Variants in TP53BP2 observed in about 807,000 individuals in gnomAD.
The protein encoded by TP53BP2 is tumor protein p53 binding protein 2, also known as apoptosis-stimulating of p53 protein 2.
Under a neutral mutation model 126.2 loss-of-function variants are expected in TP53BP2, and 62 were observed. The ratio of observed to expected loss-of-function variants is 0.49; its 90% CI spans 0.40 to 0.61. TP53BP2 has a LOEUF of 0.61. Among genes scored for constraint, TP53BP2 ranks in the 20% least tolerant of loss-of-function variants. TP53BP2 has a pLI of 0.00. For missense variants in TP53BP2, 1,215 were observed against 1,402.8 expected, an observed-to-expected ratio of 0.87 and a Z score of 2.14; for synonymous variants, 485 against 502.9, an observed-to-expected ratio of 0.96 and a Z score of 0.48.
At chr1:223,818,577 A>AT (rs565244490) in intron 2 of TP53BP2, among the ~76,000 whole-genome samples, 4,588 of 146,098 alleles carry the variant, frequency 0.031, 216 homozygotes, top group African/African-American at 0.1. Context: ...TTAAAAAAAA[A>AT]TTTTTTTTTT....
intron 1 of TP53BP2, 106 bp from the exon 2 acceptor site, chr1:223,821,473 T>A: frequency 6.9e-7 from 1 of 1,458,714 alleles, no homozygotes; most frequent in Non-Finnish European, 9.6e-7. Context: ...AGTGCAAACG[T>A]ACAACAGAAC....
intron 11 of TP53BP2, among the ~76,000 whole-genome samples, chr1:223,798,926 G>C (rs1264483388): frequency 6.6e-6 from 1 of 152,032 alleles, no homozygotes; most frequent in Non-Finnish European, 1.5e-5. Context: ...ACAAAAATCA[G>C]CCAGGCATGG....
intron 2 of TP53BP2, among the ~76,000 whole-genome samples, chr1:223,818,021 C>T (rs891374695): frequency 1.3e-5 from 2 of 150,782 alleles, no homozygotes; most frequent in African/African-American, 4.9e-5. Flanking sequence ...AACTGGAGAA[C>T]ACTGATATGT....
intron 16 of TP53BP2, among the ~76,000 whole-genome samples, chr1:223,788,716 A>G (rs945278507): frequency 2.8e-4 from 43 of 152,184 alleles, no homozygotes; most frequent in African/African-American, 9.2e-4. Flanking sequence ...CCATCAATCT[A>G]TAAGTACTAA....
At chr1:223,829,258 C>T (rs1663611751) in intron 1 of TP53BP2, among the ~76,000 whole-genome samples, 1 of 152,064 alleles carries the variant, frequency 6.6e-6, no homozygotes, top group Non-Finnish European at 1.5e-5. Context: ...CACCTGAGTC[C>T]AGGAGATCAC....
chr1:223,845,456 C>T (rs1490611059), intron 1 of TP53BP2, among the ~76,000 whole-genome samples, 198 bp downstream of exon 1: 1 of 152,174 alleles, frequency 6.6e-6, no homozygotes, highest in Non-Finnish European at 1.5e-5. Context: ...CGCGCCCCCA[C>T]GACGGCTGTG....
intron 4 of TP53BP2, among the ~76,000 whole-genome samples, chr1:223,809,458 T>TA (rs1419845791): frequency 2.0e-5 from 3 of 151,806 alleles, no homozygotes; most frequent in African/African-American, 7.3e-5. Flanking sequence ...TCCCAGCTAC[T>TA]CGGGAGGCTG....
chr1:223,821,389 C>T (rs1486861678), intron 1 of TP53BP2, 22 bp from the exon 2 acceptor site: 1 of 1,613,876 alleles, frequency 6.2e-7, no homozygotes, highest in South Asian at 1.1e-5. Context: ...GAGAGAAACA[C>T]ATGGTTACTG....
At chr1:223,802,078 T>A in intron 9 of TP53BP2, 38 bp downstream of exon 9, 1 of 1,572,812 alleles carries the variant, frequency 6.4e-7, no homozygotes, top group Middle Eastern at 1.7e-4. Flanking sequence ...GAAAGAATAG[T>A]GGGGACAGGA....
rs1427859288 is a variant in TP53BP2, at chr1:223,803,275, A to T, written c.827T>A (p.Leu276Gln). 1.2e-6 allele frequency: 2 copies of T among 1,609,038 alleles called. No individual in the cohort carries two copies. Among genetic ancestry groups the T allele is most frequent in the Non-Finnish European group, 1.7e-6 (2 of 1,178,494 alleles). Residue 276 changes from leucine to glutamine, a missense_variant, in exon 7 of 18, where the codon CTG (leucine) becomes CAG (glutamine). Leu to Gln is a moderately radical substitution (Grantham distance 113). Around this residue, in one of 4 missense-constraint regions of TP53BP2, gnomAD observed 814 missense variants for 853.0 expected, o/e 0.95. Transcript: ENST00000343537. Reference sequence around the variant, plus strand: ...TGGCAAACAGCTACGGTCTACCTGCAGCTCCTTATAGAGGCGATCAAGCTC... The same window carrying T: ...TGGCAAACAGCTACGGTCTACCTGCTGCTCCTTATAGAGGCGATCAAGCTC... ...VAELDRLYKE[L>Q]QLRNKLNQEQ...
chr1:223,807,637 A>C (rs745556556), intron 4 of TP53BP2, among the ~76,000 whole-genome samples: 11 of 152,182 alleles, frequency 7.2e-5, no homozygotes, highest in Non-Finnish European at 1.3e-4. Flanking sequence ...TCAATATGCA[A>C]AAGTCAAGTG....
chr1:223,831,480 A>AATATAT (rs10543436), intron 1 of TP53BP2, among the ~76,000 whole-genome samples: 129 of 32,360 alleles, frequency 4.0e-3, no homozygotes, highest in South Asian at 6.7e-3. Flanking sequence ...AAAAAAAAAA[A>AATATAT]ATATATATAT....
At chr1:223,831,527 A>T (rs1202356816) in intron 1 of TP53BP2, among the ~76,000 whole-genome samples, 1 of 138,604 alleles carries the variant, frequency 7.2e-6, no homozygotes, top group African/African-American at 2.6e-5. Context: ...ACTGACCTGT[A>T]TGAAATACAC....
Position 223,784,234 on chromosome 1 carries a change from G to C in TP53BP2, c.3244C>G (p.Leu1082Val). 6.2e-7 allele frequency: 1 copy of C among 1,614,098 alleles called. No homozygotes were observed. Among genetic ancestry groups the C allele is most frequent in the South Asian group, 1.1e-5 (1 of 91,076 alleles). The change falls in exon 17 of 18, where the codon CTG (leucine) becomes GTG (valine). Residue 1082 changes from leucine (L) to valine (V), a missense_variant. Leu to Val is a conservative substitution (Grantham distance 32). Transcript: ENST00000343537. Reference protein sequence around the residue: ...WDYEPQNDDELPMKEGDCMTI... With the variant: ...WDYEPQNDDEVPMKEGDCMTI... ...ATGCAGTCTCCTTCTTTCATGGGCA[G>C]CTCATCATCATTCTGAGGTTCATAA...
At chr1:223,791,438 AAAATTGT>A (rs72023924) in intron 15 of TP53BP2, among the ~76,000 whole-genome samples, 18,983 of 152,128 alleles carry the variant, frequency 0.12, 1,539 homozygotes, top group African/African-American at 0.24. Flanking sequence ...TAAGTGTTTA[AAAATTGT>A]AACCAAAGTG....
chr1:223,833,278 T>C (rs913590149), intron 1 of TP53BP2, among the ~76,000 whole-genome samples: 21 of 152,252 alleles, frequency 1.4e-4, no homozygotes, highest in African/African-American at 4.8e-4. Context: ...ATCAGTTACA[T>C]CTGAGTTTAT....
chr1:223,821,770 G>A (rs1663319849), intron 1 of TP53BP2, among the ~76,000 whole-genome samples: 1 of 152,164 alleles, frequency 6.6e-6, no homozygotes, highest in Admixed American at 6.5e-5. Context: ...TTTTTTGGAA[G>A]GACACGTAAG....
chr1:223,827,993 TTC>T (rs1480589600), intron 1 of TP53BP2, among the ~76,000 whole-genome samples: 7 of 152,212 alleles, frequency 4.6e-5, no homozygotes, highest in Admixed American at 4.6e-4. Flanking sequence ...ATGAATTCAC[TTC>T]TGTTTCATTT....
chr1:223,812,029 CAA>C (rs556093883), intron 3 of TP53BP2, among the ~76,000 whole-genome samples: 2 of 56,802 alleles, frequency 3.5e-5, no homozygotes, highest in Non-Finnish European at 4.4e-5. Context: ...AAATAGAGAA[CAA>C]AAAAAAAAAT....
Sources: allele counts gnomAD v4.1 joint callset (sites outside exome capture counted in the v4.1 genomes callset), GRCh38; gene constraint gnomAD v4.1.1; regional missense constraint gnomAD v4.1.1; transcripts MANE v1.5; gene names NCBI Gene and HGNC (gene_info 2026-07-23, HGNC 2026-07-21).